SNTG1: variants seen among roughly 807,000 people sequenced by gnomAD.
The protein encoded by SNTG1 is gamma-1-syntrophin.
Under a neutral mutation model 74.7 loss-of-function variants are expected in SNTG1, and 39 were observed. That is an observed-to-expected ratio of 0.52 (90% CI 0.40 to 0.68). The LOEUF (loss-of-function observed/expected upper bound fraction) is 0.68, where lower values mean the gene tolerates loss of function less well. SNTG1 is among the 30% of genes least tolerant of loss of function. The pLI, the probability that SNTG1 is intolerant of heterozygous loss-of-function variation, is 0.00. For missense variants in SNTG1, 685 were observed against 609.5 expected (o/e 1.12, Z -1.30); for synonymous variants, 254 against 217.1 (o/e 1.17, Z -1.49).
chr8:50,115,567 CA>C (rs11386539), intron 1 of SNTG1, among the ~76,000 whole-genome samples: 1,132 of 40,526 alleles, frequency 0.028, 29 homozygotes, highest in African/African-American at 0.063. Flanking sequence ...GACTCTGTCT[CA>C]AAAAAAAAAA....
chr8:50,186,718 G>T (rs1020004631), intron 2 of SNTG1, among the ~76,000 whole-genome samples: 1 of 151,732 alleles, frequency 6.6e-6, no homozygotes, highest in African/African-American at 2.4e-5. Context: ...CTTTTTGATG[G>T]GGTTGTTTTG....
intron 2 of SNTG1, among the ~76,000 whole-genome samples, chr8:50,214,842 T>C (rs1193451392): frequency 1.3e-5 from 2 of 152,198 alleles, no homozygotes; most frequent in African/African-American, 4.8e-5. Flanking sequence ...TGGGCTTAAC[T>C]CCAGTACCCT....
intron 2 of SNTG1, among the ~76,000 whole-genome samples, chr8:50,272,613 A>G (rs2130303764): frequency 6.6e-6 from 1 of 152,244 alleles, no homozygotes; most frequent in Non-Finnish European, 1.5e-5. Context: ...GTTCCCTCCC[A>G]ATGGCCACAG....
intron 1 of SNTG1, among the ~76,000 whole-genome samples, chr8:49,943,510 G>A (rs1808884720): frequency 6.6e-6 from 1 of 152,228 alleles, no homozygotes; most frequent in Admixed American, 6.5e-5. Context: ...TAGGAGAATG[G>A]ATTTAGGATA....
At chr8:50,497,468 AAT>A (rs2093914571) in intron 8 of SNTG1, among the ~76,000 whole-genome samples, 1 of 151,984 alleles carries the variant, frequency 6.6e-6, no homozygotes, top group African/African-American at 2.4e-5. Flanking sequence ...AGAAATTCCC[AAT>A]AGAGTCACAT....
At chr8:50,741,319 C>T (rs568016625) in intron 17 of SNTG1, among the ~76,000 whole-genome samples, 4 of 152,030 alleles carry the variant, frequency 2.6e-5, no homozygotes, top group African/African-American at 9.6e-5. Flanking sequence ...GATGGGGTTT[C>T]GCCATGTTGG....
At chr8:50,094,428 A>G (rs755505298) in intron 1 of SNTG1, among the ~76,000 whole-genome samples, 2 of 152,192 alleles carry the variant, frequency 1.3e-5, no homozygotes, top group African/African-American at 2.4e-5. Context: ...CTTGCAAGTT[A>G]TATGTCTGAC....
chr8:50,630,549 CTT>C (rs1383906143), intron 13 of SNTG1, among the ~76,000 whole-genome samples: 7 of 139,596 alleles, frequency 5.0e-5, no homozygotes, highest in African/African-American at 2.1e-4. Context: ...CATAATGTGA[CTT>C]AACAGGTGTG....
intron 3 of SNTG1, among the ~76,000 whole-genome samples, chr8:50,398,411 G>T (rs564345814): frequency 6.6e-6 from 1 of 152,194 alleles, no homozygotes; most frequent in East Asian, 1.9e-4. Flanking sequence ...TCATCACGTG[G>T]CATGCATTTT....
chr8:50,665,853 G>T (rs747144424), intron 15 of SNTG1, among the ~76,000 whole-genome samples: 2 of 152,064 alleles, frequency 1.3e-5, no homozygotes, highest in Non-Finnish European at 2.9e-5. Context: ...AAGGGACAAA[G>T]AACTTACTTA....
At chr8:50,212,178 C>T (rs1488760339) in intron 2 of SNTG1, among the ~76,000 whole-genome samples, 1 of 152,072 alleles carries the variant, frequency 6.6e-6, no homozygotes, top group Non-Finnish European at 1.5e-5. Flanking sequence ...TGTACAGTAT[C>T]TGTTTTAACT....
intron 1 of SNTG1, among the ~76,000 whole-genome samples, chr8:50,007,175 G>A (rs1235590711): frequency 1.3e-5 from 2 of 152,140 alleles, no homozygotes; most frequent in Admixed American, 6.5e-5. Context: ...CATGTGGTAT[G>A]AGACTAGCTG....
At chr8:50,380,282 T>G (rs1239430222) in intron 2 of SNTG1, among the ~76,000 whole-genome samples, 1 of 152,226 alleles carries the variant, frequency 6.6e-6, no homozygotes, top group African/African-American at 2.4e-5. Flanking sequence ...TTGTTGTAAC[T>G]GAGTTTGGAG....
intron 1 of SNTG1, among the ~76,000 whole-genome samples, chr8:50,001,592 G>A (rs1399609915): frequency 6.6e-6 from 1 of 152,118 alleles, no homozygotes; most frequent in African/African-American, 2.4e-5. Flanking sequence ...GAGTTTCGTG[G>A]ATTTTCAACT....
rs533820879 is a variant in SNTG1 at position 50,503,252 on chromosome 8, A to G, written c.466+372A>G. On this transcript the variant is annotated intron_variant, in intron 9 of 18. Transcript: ENST00000642720. Reference sequence around the variant, plus strand: ...AAGAATATGTGCTTAAGTTATTCTGATGAGAGAAGATGAAAAAAAGCGTTT... The same window carrying G: ...AAGAATATGTGCTTAAGTTATTCTGGTGAGAGAAGATGAAAAAAAGCGTTT... 3.3e-5 allele frequency among the ~76,000 whole-genome samples: 5 copies of G among 152,328 alleles called. No homozygotes were observed. In the East Asian group the frequency reaches 9.6e-4, roughly 29 times the overall value.
At chr8:50,622,687 C>T (rs891567987) in intron 13 of SNTG1, among the ~76,000 whole-genome samples, 6 of 151,560 alleles carry the variant, frequency 4.0e-5, no homozygotes, top group South Asian at 2.1e-4. Flanking sequence ...ATTAAATTAC[C>T]GATAATCATA....
chr8:50,337,942 C>T (rs962853806), intron 2 of SNTG1, among the ~76,000 whole-genome samples: 2 of 152,094 alleles, frequency 1.3e-5, no homozygotes, highest in Admixed American at 6.5e-5. Flanking sequence ...CGAGACCATC[C>T]TAGCTAACAC....
rs906206482 is a variant in SNTG1, at chr8:50,606,915, G to A, written c.849+15998G>A. ...ATATGAAACCAAGTTTGAATTTTGC[G>A]AATATATCCCAGTTAATCATAATGT... On this transcript the variant is annotated intron_variant, in intron 13 of 18. Coordinates refer to ENST00000642720, the MANE Select transcript of SNTG1 (RefSeq NM_018967.5). Among the ~76,000 whole-genome samples the A allele has an allele frequency of 7.9e-5, 12 of 151,498 alleles. No individual in the cohort carries two copies. The South Asian group carries it at 8.3e-4, about 11-fold the overall frequency.
chr8:49,978,530 A>T (rs1812391699), intron 1 of SNTG1, among the ~76,000 whole-genome samples: 1 of 152,174 alleles, frequency 6.6e-6, no homozygotes. Context: ...GTGGCTCTGA[A>T]GTGTCTTTGT....
Sources: gnomAD v4.1 joint callset for allele counts (sites outside exome capture counted in the v4.1 genomes callset) on GRCh38, gnomAD v4.1.1 for gene constraint, MANE v1.5 for transcripts, NCBI Gene and HGNC (gene_info 2026-07-23, HGNC 2026-07-21) for gene names.